The following CD109 variants were observed in gnomAD, a reference collection of about 807,000 sequenced individuals.
CD109 encodes CD109 molecule.
CD109 carries 149 observed loss-of-function variants against 165.8 expected under a neutral mutation model. That is an observed-to-expected ratio of 0.90 (90% CI 0.79 to 1.03). CD109 has a LOEUF of 1.03. CD109 is among the 50% of genes least tolerant of loss of function. The pLI, the probability that CD109 is intolerant of heterozygous loss-of-function variation, is 0.00. For synonymous variants in CD109, 585 were observed against 592.1 expected, an observed-to-expected ratio of 0.99 and a Z score of 0.18; for missense variants, 1,712 against 1,677.8, an observed-to-expected ratio of 1.02 and a Z score of -0.36.
chr6:73,773,811 T>C (rs1483410543), intron 15 of CD109, among the ~76,000 whole-genome samples: 1 of 152,162 alleles, frequency 6.6e-6, no homozygotes, highest in Non-Finnish European at 1.5e-5. Flanking sequence ...TGGAAATCTG[T>C]GTTGATTATT....
intron 29 of CD109, among the ~76,000 whole-genome samples, chr6:73,814,638 C>T (rs60905551): frequency 0.024 from 3,615 of 152,182 alleles, 162 homozygotes; most frequent in African/African-American, 0.082. Context: ...GGGCAACAGG[C>T]CTTAGAAATT....
Position 73,785,364 on chromosome 6 carries a change from C to G in CD109, c.2224C>G (p.Leu742Val). ...GLGLTTTPVE[L>V]QAFQPFFIFL... ...TATGTACTCGTTGTGTTCTTTCCAG[C>G]TCCAAGCCTTCCAACCATTTTTCAT... Residue 742 changes from leucine to valine, a missense_variant and splice_region_variant, in exon 20 of 33, where the codon CTC becomes GTC. Transcript: ENST00000287097. 6.4e-7 allele frequency: 1 copy of G among 1,556,598 alleles called. No homozygotes were observed. Among genetic ancestry groups the G allele is most frequent in the Non-Finnish European group, 8.8e-7 (1 of 1,131,390 alleles).
chr6:73,763,568 C>CA lies in CD109; in HGVS notation c.998-2dup. On this transcript the variant is annotated splice_region_variant and splice_polypyrimidine_tract_variant and intron_variant, in intron 9 of 32. Coordinates refer to ENST00000287097, the MANE Select transcript of CD109 (RefSeq NM_133493.5). ...TTTGCTTTCTAAATTGTGCAATTTC[C>CA]AAAAAAGGTATTTCAAGAAATGTAA... 7 of 1,492,550 alleles carry CA rather than the reference C, an allele frequency of 4.7e-6. No individual in the cohort carries two copies. The highest frequency in any genetic ancestry group is 5.5e-6 in the Non-Finnish European group (6 of 1,091,792). The allele number at this position is 1,492,550 out of a possible 1,614,324, so 92.5% of individuals were successfully genotyped here.
At chr6:73,686,881 G>A in the CD109 span, among the ~76,000 whole-genome samples, 1 of 152,142 alleles carries the variant, frequency 6.6e-6, no homozygotes, top group Non-Finnish European at 1.5e-5. Flanking sequence ...TAGTAGAGAT[G>A]TGGTTTCACC....
rs1772316060 is a variant in CD109 at position 73,730,356 on chromosome 6, A to G, written c.289A>G (p.Ser97Gly). ...TLTLPSLPLNSADEIYELRVT... is the reference protein window; with the variant it reads ...TLTLPSLPLNGADEIYELRVT... ...TTTTTCCCCCCAGCTACCTCTGAACAGTGCAGATGAGATTTATGAGCTACG... is the reference window on the plus strand; with the variant it reads ...TTTTTCCCCCCAGCTACCTCTGAACGGTGCAGATGAGATTTATGAGCTACG... The change falls in exon 4 of 33, where the codon AGT becomes GGT. Residue 97 changes from serine to glycine, a missense_variant. By Grantham distance (56) the Ser-to-Gly change is moderately conservative (BLOSUM62 0). Transcript: ENST00000287097. 18 of 1,609,874 alleles carry G rather than the reference A, an allele frequency of 1.1e-5. No homozygotes were observed. Among genetic ancestry groups the G allele is most frequent in the Non-Finnish European group, 1.5e-5 (18 of 1,176,334 alleles).
chr6:73,685,375 T>C, the CD109 span, among the ~76,000 whole-genome samples: 2 of 152,166 alleles, frequency 1.3e-5, no homozygotes, highest in Non-Finnish European at 2.9e-5. Context: ...GCTTTTTAGT[T>C]TGATGCAATC....
rs1363925636 is a variant in CD109, at chr6:73,781,196, C to T, written c.1903-63C>T. On this transcript the variant is annotated intron_variant, in intron 16 of 32. Coordinates refer to ENST00000287097, the MANE Select transcript of CD109 (RefSeq NM_133493.5). ...GTGAGTCAGGAGTTTGGGAGACTGC[C>T]TTGATAATTTAGTGAGCATTTAAAC... 3 of 1,385,518 alleles carry T rather than the reference C, an allele frequency of 2.2e-6. No individual in the cohort carries two copies. In the African/African-American group the frequency reaches 4.3e-5, roughly 20 times the overall value. 85.8% of individuals were successfully genotyped at this position (1,385,518 alleles called of 1,614,324 possible).
intron 5 of CD109, among the ~76,000 whole-genome samples, chr6:73,750,958 C>CACAA (rs35907841): frequency 0.54 from 82,393 of 151,416 alleles, 22,867 homozygotes; most frequent in African/African-American, 0.66. Context: ...CTTTCATATA[C>CACAA]ACAGTCTACA....
chr6:73,740,937 A>T (rs143076070), intron 5 of CD109, among the ~76,000 whole-genome samples: 4 of 152,154 alleles, frequency 2.6e-5, no homozygotes, highest in Admixed American at 6.5e-5. Context: ...TGATTTGCCC[A>T]ATGTCCCACA....
At chr6:73,702,745 A>G (rs1233534641) in intron 2 of CD109, among the ~76,000 whole-genome samples, 1 of 152,208 alleles carries the variant, frequency 6.6e-6, no homozygotes, top group African/African-American at 2.4e-5. Context: ...CATCTGAAAA[A>G]TAGTGGTTTC....
chr6:73,759,141 A>G, intron 7 of CD109, 113 bp downstream of exon 7: 1 of 663,232 alleles, frequency 1.5e-6, no homozygotes, highest in East Asian at 2.7e-5. Flanking sequence ...AAAATACCTT[A>G]GTGGACAGTA....
intron 29 of CD109, among the ~76,000 whole-genome samples, chr6:73,813,446 G>T (rs996954673): frequency 2.0e-5 from 3 of 152,126 alleles, no homozygotes; most frequent in African/African-American, 7.2e-5. Context: ...GCACACAGGG[G>T]TAAATGTGGT....
the CD109 span, among the ~76,000 whole-genome samples, chr6:73,682,199 A>T: frequency 6.6e-6 from 1 of 152,216 alleles, no homozygotes; most frequent in Non-Finnish European, 1.5e-5. Context: ...TATGAGATGA[A>T]GCAAGTCCCT....
At chr6:73,799,782 T>C (rs1486993908) in intron 23 of CD109, among the ~76,000 whole-genome samples, 1 of 152,140 alleles carries the variant, frequency 6.6e-6, no homozygotes, top group Admixed American at 6.5e-5. Context: ...ACTTCATTAG[T>C]TTCTAGACTA....
intron 2 of CD109, among the ~76,000 whole-genome samples, chr6:73,707,602 T>C (rs1291685702): frequency 1.3e-5 from 2 of 152,196 alleles, no homozygotes; most frequent in East Asian, 3.9e-4. Flanking sequence ...GTTGAGAGGA[T>C]TAAATGAGAT....
intron 23 of CD109, among the ~76,000 whole-genome samples, chr6:73,794,906 C>T (rs1234743566): frequency 6.6e-6 from 1 of 151,540 alleles, no homozygotes; most frequent in Admixed American, 6.6e-5. Flanking sequence ...TAAATATATA[C>T]GTACAAGAAT....
intron 4 of CD109, 98 bp from the exon 5 acceptor site, chr6:73,736,284 AC>A: frequency 1.5e-6 from 2 of 1,306,276 alleles, no homozygotes; most frequent in Non-Finnish European, 2.1e-6. Context: ...AAAGTTCTGG[AC>A]CTGGGTGGGA....
At chr6:73,704,353 T>C (rs1771188428) in intron 2 of CD109, among the ~76,000 whole-genome samples, 1 of 152,162 alleles carries the variant, frequency 6.6e-6, no homozygotes, top group Non-Finnish European at 1.5e-5. Context: ...TGATGATTCA[T>C]GGCGGCGGAG....
At chr6:73,728,744 T>C (rs1441276243) in intron 3 of CD109, among the ~76,000 whole-genome samples, 1 of 152,218 alleles carries the variant, frequency 6.6e-6, no homozygotes, top group Non-Finnish European at 1.5e-5. Context: ...GAGCTATCTG[T>C]AGACAAAACT....
Sources: gnomAD v4.1 joint callset for allele counts (sites outside exome capture counted in the v4.1 genomes callset) on GRCh38, gnomAD v4.1.1 for gene constraint, MANE v1.5 for transcripts, NCBI Gene and HGNC (gene_info 2026-07-23, HGNC 2026-07-21) for gene names.